BBS7: variants seen among roughly 807,000 people sequenced by gnomAD.
BBS7 encodes the protein Bardet-Biedl syndrome 7.
A neutral mutation model predicts 90.3 loss-of-function variants in BBS7; 50 were observed. The observed-to-expected ratio is 0.55, with a 90% CI of 0.44 to 0.70. The LOEUF (loss-of-function observed/expected upper bound fraction) is 0.70, where lower values mean the gene tolerates loss of function less well. Ranked by LOEUF, BBS7 falls within the 30% of genes least tolerant of loss-of-function variation. BBS7 has a pLI of 0.00. For synonymous variants in BBS7, 235 were observed against 287.4 expected, an observed-to-expected ratio of 0.82 and a Z score of 1.85; for missense variants, 729 against 838.9, an observed-to-expected ratio of 0.87 and a Z score of 1.62.
intron 14 of BBS7, among the ~76,000 whole-genome samples, chr4:121,834,167 T>C (rs1247467620): frequency 6.6e-6 from 1 of 152,164 alleles, no homozygotes; most frequent in Non-Finnish European, 1.5e-5. Flanking sequence ...AAAATGCAGT[T>C]TATGAAATGA....
chr4:121,846,250 G>T (rs1726007269), intron 10 of BBS7, among the ~76,000 whole-genome samples: 1 of 152,164 alleles, frequency 6.6e-6, no homozygotes, highest in Non-Finnish European at 1.5e-5. Flanking sequence ...ATTCTGCTGA[G>T]ACTGAACTAC....
In BBS7 at chr4:121,824,435, T is replaced by G. The variant is rs1194762391; in HGVS notation, c.*1425A>C. ...ATACAGTACTCAAGTGTCAAGACTG[T>G]AATGTCATCTTAACATTTAGGCGTT... On this transcript the variant is annotated 3_prime_UTR_variant, in exon 19 of 19. Coordinates refer to ENST00000264499, the MANE Select transcript of BBS7 (RefSeq NM_176824.3). This position sits in a 1 kb window ranked among gnomAD's most constrained non-coding sequence, Gnocchi z 4.1. 6.6e-6 allele frequency: 1 copy of G among 152,266 alleles called. No homozygotes were observed. Among genetic ancestry groups the G allele is most frequent in the Non-Finnish European group, 1.5e-5 (1 of 68,044 alleles). 9.4% of individuals were successfully genotyped at this position (152,266 alleles called of 1,614,324 possible).
chr4:121,848,893 A>T lies in BBS7; in HGVS notation c.885T>A (p.Gly295=). The T allele has an allele frequency of 6.2e-7, 1 of 1,613,962 alleles. No homozygotes were observed. Among genetic ancestry groups the T allele is most frequent in the Non-Finnish European group, 8.5e-7 (1 of 1,180,002 alleles). ...LSESVTSIQG[G]CVGKDSYDEI... ...CATCATAGCTGTCTTTTCCTACACA[A>T]CCACCCTGGATAGATGTGACGCTTT... Residue 295 remains glycine, a synonymous_variant, in exon 9 of 19, where the codon GGT becomes GGA. Transcript: ENST00000264499.
At chr4:121,839,353 G>T (rs1487843767) in intron 13 of BBS7, among the ~76,000 whole-genome samples, 1 of 152,128 alleles carries the variant, frequency 6.6e-6, no homozygotes, top group Admixed American at 6.6e-5. Context: ...GATTGCTTCA[G>T]CTCAGGAGTT....
In BBS7 at chr4:121,825,017, A is replaced by G. The variant is rs1234360921; in HGVS notation, c.*843T>C. On this transcript the variant is annotated 3_prime_UTR_variant, in exon 19 of 19. Transcript: ENST00000264499. The stretch of plus-strand genomic sequence containing the variant: ...TAGCCTTAATGTCATATATGATAAA[A>G]AGAGATCTAGAAGATACTAGTGTAG... The G allele has an allele frequency of 2.0e-5, 3 of 152,214 alleles. No individual in the cohort carries two copies. Among genetic ancestry groups the G allele is most frequent in the Admixed American group, 6.5e-5 (1 of 15,284 alleles). 9.4% of individuals were successfully genotyped at this position (152,214 alleles called of 1,614,324 possible).
intron 5 of BBS7, chr4:121,858,769 A>C: frequency 2.1e-6 from 1 of 474,080 alleles, no homozygotes; most frequent in Non-Finnish European, 3.7e-6. Context: ...ATGGTGAGGC[A>C]AAAAAAATCC....
intron 7 of BBS7, among the ~76,000 whole-genome samples, 176 bp downstream of exon 7, chr4:121,854,528 A>T (rs187124540): frequency 6.6e-6 from 1 of 152,224 alleles, no homozygotes; most frequent in African/African-American, 2.4e-5. Flanking sequence ...TCTTACTTTT[A>T]AAAAATTATG....
chr4:121,858,365 A>G (rs939562806), intron 5 of BBS7, among the ~76,000 whole-genome samples: 2 of 63,958 alleles, frequency 3.1e-5, no homozygotes, highest in East Asian at 6.2e-4. Context: ...TAAGCATCCT[A>G]TAGAGTGTGT....
intron 2 of BBS7, among the ~76,000 whole-genome samples, chr4:121,867,310 A>G (rs182105552): frequency 2.6e-5 from 4 of 152,114 alleles, no homozygotes; most frequent in Admixed American, 2.0e-4. Context: ...CAGTTCTAAG[A>G]GTTTTTTGGT....
At position 121,863,232 on chromosome 4, in the gene BBS7, C is replaced by CT; in HGVS notation, c.149dup (p.Lys51GlufsTer39). 1.2e-6 allele frequency: 2 copies of CT among 1,613,898 alleles called. No individual in the cohort carries two copies. The highest frequency in any genetic ancestry group is 8.5e-7 in the Non-Finnish European group (1 of 1,179,880). On this transcript the variant is annotated frameshift_variant, in exon 3 of 19. Transcript: ENST00000264499. LOFTEE classifies it high-confidence loss of function. ...CTATACTTACTGCTGCTTCTCCTTT[C>CT]TTCATGCCAAAGCACATAACTACCC... is the stretch of plus-strand genomic sequence containing the variant.
intron 9 of BBS7, 147 bp from the exon 10 acceptor site, chr4:121,847,653 C>G (rs977129772): frequency 1.6e-6 from 1 of 622,970 alleles, no homozygotes; most frequent in African/African-American, 1.9e-5. Context: ...CATTCAAAAA[C>G]AAAACATAAA....
In BBS7 at chr4:121,828,424, A is replaced by C. The variant is rs1193524307; in HGVS notation, c.1868T>G (p.Val623Gly). 2 of 1,613,938 alleles carry C rather than the reference A, an allele frequency of 1.2e-6. No individual in the cohort carries two copies. Among genetic ancestry groups the C allele is most frequent in the Admixed American group, 3.3e-5 (2 of 60,032 alleles). ...LEYQLLLAKK[V>G]QLIDALKELQ... The stretch of plus-strand genomic sequence containing the variant: ...TACTTTTAAAGCATCAATTAACTGC[A>C]CTTTCTTAGCCAAAAGCAACTGGTA... The change falls in exon 17 of 19, where the codon GTG (valine) becomes GGG (glycine). Residue 623 changes from valine (V) to glycine (G), a missense_variant. Coordinates refer to ENST00000264499, the MANE Select transcript of BBS7 (RefSeq NM_176824.3).
At chr4:121,861,286 C>T (rs1465741348) in intron 4 of BBS7, 1 of 386,618 alleles carries the variant, frequency 2.6e-6, no homozygotes, top group Non-Finnish European at 4.5e-6. Context: ...ACCAAGTTGT[C>T]AAAAATGATT....
chr4:121,827,339 G>A (rs1169200326), intron 18 of BBS7, among the ~76,000 whole-genome samples: 3 of 152,198 alleles, frequency 2.0e-5, no homozygotes, highest in African/African-American at 7.2e-5. Flanking sequence ...CAGTGACTAT[G>A]GAAGGCTTGG....
intron 1 of BBS7, 35 bp downstream of exon 1, chr4:121,870,243 C>A: frequency 6.2e-7 from 1 of 1,613,452 alleles, no homozygotes; most frequent in East Asian, 2.2e-5. Context: ...GCTGGGCTTG[C>A]CCAGCGCGGC....
intron 1 of BBS7, among the ~76,000 whole-genome samples, chr4:121,868,528 A>G (rs902189547): frequency 6.6e-6 from 1 of 151,808 alleles, no homozygotes; most frequent in African/African-American, 2.4e-5. Flanking sequence ...CAAAAAATAA[A>G]AAATTAGCTA....
intron 8 of BBS7, among the ~76,000 whole-genome samples, chr4:121,852,194 T>C (rs1726358128): frequency 6.6e-6 from 1 of 152,212 alleles, no homozygotes; most frequent in Non-Finnish European, 1.5e-5. Context: ...TTCAAACCAC[T>C]TGTATTTTCT....
rs139632406 is a variant in BBS7 at position 121,843,176 on chromosome 4, T to C, written c.1305+751A>G. ...AGAGATGTAATCAAGAGCTGAATCA[T>C]GGAAAGTTTTCTATGCCACAATAAG... On this transcript the variant is annotated intron_variant, in intron 12 of 18. Coordinates refer to ENST00000264499, the MANE Select transcript of BBS7 (RefSeq NM_176824.3). 4.6e-5 allele frequency among the ~76,000 whole-genome samples: 7 copies of C among 152,260 alleles called. 2 individuals are homozygous for C. The highest frequency in any genetic ancestry group is 2.6e-4 in the Admixed American group (4 of 15,294).
chr4:121,848,870 T>G lies in BBS7; in HGVS notation c.908A>C (p.Asp303Ala). 2.5e-6 allele frequency: 4 copies of G among 1,613,966 alleles called. No homozygotes were observed. Among genetic ancestry groups the G allele is most frequent in the Non-Finnish European group, 3.4e-6 (4 of 1,179,970 alleles). ...QGGCVGKDSYDEIVVSTYSGW... is the reference protein window; with the variant it reads ...QGGCVGKDSYAEIVVSTYSGW... ...TGAATATGTGGACACCACGATTTCA[T>G]CATAGCTGTCTTTTCCTACACAACC... Residue 303 changes from aspartate to alanine, a missense_variant, in exon 9 of 19, where the codon GAT (aspartate) becomes GCT (alanine). Asp to Ala is a moderately radical substitution (Grantham distance 126). Transcript: ENST00000264499.
Sources: allele counts gnomAD v4.1 joint callset (sites outside exome capture counted in the v4.1 genomes callset), GRCh38; gene constraint gnomAD v4.1.1; non-coding constraint Gnocchi (gnomAD v3.1); transcripts MANE v1.5; gene names NCBI Gene and HGNC (gene_info 2026-07-23, HGNC 2026-07-21).